GLRA2: variants seen among roughly 807,000 people sequenced by gnomAD.
GLRA2 encodes the protein glycine receptor alpha 2, also known as glycine receptor subunit alpha-2.
In GLRA2, 11 loss-of-function variants were observed where a neutral mutation model predicts 31.6. That is an observed-to-expected ratio of 0.35 (90% CI 0.22 to 0.58). The LOEUF (loss-of-function observed/expected upper bound fraction) is 0.58. Ranked by LOEUF, GLRA2 falls within the 20% of genes least tolerant of loss-of-function variation. The pLI is 0.84. For synonymous variants in GLRA2, 132 were observed against 134.0 expected (o/e 0.99, Z 0.10); for missense variants, 212 against 351.8 (o/e 0.60, Z 3.18).
the GLRA2 span, among the ~76,000 whole-genome samples, chrX:14,504,616 C>T: frequency 9.0e-6 from 1 of 111,339 alleles, no homozygotes. Flanking sequence ...CACTAAAATC[C>T]CATGCTTGAG....
chrX:14,646,501 G>T (rs1335088280), intron 7 of GLRA2, among the ~76,000 whole-genome samples: 1 of 112,273 alleles, frequency 8.9e-6, no homozygotes, highest in Non-Finnish European at 1.9e-5. Flanking sequence ...TCTTCAGAAA[G>T]GACGTATGGC....
the GLRA2 span, among the ~76,000 whole-genome samples, chrX:14,495,977 GA>G: frequency 9.0e-6 from 1 of 111,129 alleles, no homozygotes; most frequent in Non-Finnish European, 1.9e-5. Flanking sequence ...GAGAATTGTG[GA>G]AAAAAATTGT....
intron 4 of GLRA2, among the ~76,000 whole-genome samples, chrX:14,588,278 TA>T (rs759704655): frequency 8.9e-6 from 1 of 111,836 alleles, no homozygotes; most frequent in Non-Finnish European, 1.9e-5. Flanking sequence ...TTGTATATAG[TA>T]AAAGGTGGTA....
At position 14,532,388 on chromosome X, in the gene GLRA2, A is replaced by G. The variant is rs1243465452; in HGVS notation, c.202+16A>G. 2 of 1,114,756 alleles carry G rather than the reference A, an allele frequency of 1.8e-6. No individual in the cohort carries two copies. The highest frequency in any genetic ancestry group is 4.8e-5 in the Admixed American group (2 of 41,577). 91.9% of individuals were successfully genotyped at this position (1,114,756 alleles called of 1,213,427 possible). On this transcript the variant is annotated intron_variant, in intron 2 of 8. Coordinates refer to ENST00000218075, the MANE Select transcript of GLRA2 (RefSeq NM_002063.4). ...AATTTTAAAGGTAGGTTCCACTTAA[A>G]CTTACGTTAAGCCTTTGAGAAATCT... is the stretch of plus-strand genomic sequence containing the variant.
chrX:14,638,210 A>C (rs1375232899), intron 7 of GLRA2, among the ~76,000 whole-genome samples: 1 of 111,517 alleles, frequency 9.0e-6, no homozygotes, highest in Admixed American at 9.6e-5. Flanking sequence ...AAGGTTTGCC[A>C]AGGATTTTTG....
chrX:14,692,597 G>T (rs1199580605), intron 8 of GLRA2, among the ~76,000 whole-genome samples: 1 of 111,787 alleles, frequency 8.9e-6, no homozygotes, highest in Non-Finnish European at 1.9e-5. Flanking sequence ...ATTCCTTTCA[G>T]ATGTTGATTT....
intron 7 of GLRA2, among the ~76,000 whole-genome samples, chrX:14,629,711 G>A (rs2090623661): frequency 9.0e-6 from 1 of 111,277 alleles, no homozygotes; most frequent in Non-Finnish European, 1.9e-5. Context: ...TTTAATGCAT[G>A]TAGCCTTTGT....
In GLRA2 at chrX:14,623,401, TGA is replaced by T. The variant is rs1207923488; in HGVS notation, c.930+14202_930+14203del. Among the ~76,000 whole-genome samples, 6 of 111,283 alleles carry T rather than the reference TGA, an allele frequency of 5.4e-5. No homozygotes were observed. The East Asian group carries it at 1.7e-3, about 31-fold the overall frequency. ...CCAACACTATGTTGAATAGGAGTGG[TGA>T]GAGAGGGCATCCCTGTCTTGTGCCA... On this transcript the variant is annotated intron_variant, in intron 7 of 8. Transcript: ENST00000218075.
At chrX:14,511,038 A>G in the GLRA2 span, among the ~76,000 whole-genome samples, 1 of 111,569 alleles carries the variant, frequency 9.0e-6, no homozygotes, top group African/African-American at 3.3e-5. Context: ...CTAACTCGTC[A>G]TCTAGCATTA....
intron 7 of GLRA2, among the ~76,000 whole-genome samples, chrX:14,641,040 T>G (rs750628936): frequency 9.0e-6 from 1 of 111,469 alleles, no homozygotes; most frequent in South Asian, 3.8e-4. Flanking sequence ...TATTGTCAGG[T>G]TGCTACTTTT....
chrX:14,707,580 T>TA (rs1415130271), intron 8 of GLRA2, among the ~76,000 whole-genome samples: 12 of 78,464 alleles, frequency 1.5e-4, no homozygotes, highest in Non-Finnish European at 2.3e-4. Context: ...CTCCACCCTC[T>TA]AAAAAAACCA....
intron 4 of GLRA2, among the ~76,000 whole-genome samples, chrX:14,598,316 A>G (rs756742941): frequency 8.9e-6 from 1 of 112,446 alleles, no homozygotes; most frequent in Non-Finnish European, 1.9e-5. Context: ...CTGAAAATTC[A>G]TCTTCTCTTC....
intron 7 of GLRA2, among the ~76,000 whole-genome samples, chrX:14,612,518 T>A (rs775871394): frequency 1.8e-5 from 2 of 111,309 alleles, no homozygotes; most frequent in South Asian, 7.6e-4. Context: ...TAAAGACACA[T>A]GCACAGGTAT....
chrX:14,532,233 G>A lies in GLRA2; in HGVS notation c.69-6G>A, dbSNP rs1373241668. On this transcript the variant is annotated splice_region_variant and splice_polypyrimidine_tract_variant and intron_variant, in intron 1 of 8. Coordinates refer to ENST00000218075, the MANE Select transcript of GLRA2 (RefSeq NM_002063.4). ...TTGTTGCTAAAAGAGTTAATGATGT[G>A]TTTAGGACGGCTTTCTGCAAAGACC... is the stretch of plus-strand genomic sequence containing the variant. 6.0e-6 allele frequency: 7 copies of A among 1,162,980 alleles called. No homozygotes were observed. The highest frequency in any genetic ancestry group is 8.1e-6 in the Non-Finnish European group (7 of 867,099).
At chrX:14,573,024 T>A (rs896703164) in intron 2 of GLRA2, among the ~76,000 whole-genome samples, 17 of 112,000 alleles carry the variant, frequency 1.5e-4, no homozygotes, top group African/African-American at 5.5e-4. Flanking sequence ...CAGAACTCAG[T>A]ACATTTCTTT....
rs753763423 is a variant in GLRA2, at chrX:14,618,792, C to T, written c.930+9587C>T. Among the ~76,000 whole-genome samples, 13 of 111,552 alleles carry T rather than the reference C, an allele frequency of 1.2e-4. No individual in the cohort carries two copies. The South Asian group carries it at 4.5e-3, about 39-fold the overall frequency. ...CTTGCAGCAGTAGAGATGAGGCCCC[C>T]GTTCCTTGCTGCTGGCTGTTAGCCA... On this transcript the variant is annotated intron_variant, in intron 7 of 8. Coordinates refer to ENST00000218075, the MANE Select transcript of GLRA2 (RefSeq NM_002063.4).
At chrX:14,544,765 T>A (rs1294545573) in intron 2 of GLRA2, among the ~76,000 whole-genome samples, 2 of 111,586 alleles carry the variant, frequency 1.8e-5, no homozygotes, top group South Asian at 3.7e-4. Flanking sequence ...TCACTAAATG[T>A]CTTGGGGAAA....
chrX:14,529,647 T>A lies in GLRA2; in HGVS notation c.-411T>A, dbSNP rs1288363521. On this transcript the variant is annotated 5_prime_UTR_variant, in exon 1 of 9. Transcript: ENST00000218075. ...CTTCTCTCTCATTTACAACTTCTTT[T>A]TAAAAGAAAACATTTTCTAGAAAAA... The A allele has an allele frequency of 1.3e-5, 2 of 149,933 alleles. No individual in the cohort carries two copies. The highest frequency in any genetic ancestry group is 2.5e-5 in the Non-Finnish European group (2 of 78,706). 12.4% of individuals were successfully genotyped at this position (149,933 alleles called of 1,213,427 possible). A position where few individuals can be genotyped will look rare whatever the true frequency, so the allele number is the denominator to read the frequency against.
chrX:14,487,307 A>G, the GLRA2 span, among the ~76,000 whole-genome samples: 2 of 103,013 alleles, frequency 1.9e-5, no homozygotes, highest in African/African-American at 7.1e-5. Flanking sequence ...GCACTGTTCT[A>G]GGACATTCTT....
Sources: gnomAD v4.1 joint callset for allele counts (sites outside exome capture counted in the v4.1 genomes callset) on GRCh38, gnomAD v4.1.1 for gene constraint, MANE v1.5 for transcripts, NCBI Gene and HGNC (gene_info 2026-07-23, HGNC 2026-07-21) for gene names.